Variants in SOX6 observed in about 807,000 individuals in gnomAD.
SOX6 encodes the protein transcription factor SOX-6.
In SOX6, 11 loss-of-function variants were observed where a neutral mutation model predicts 97.8. That is an observed-to-expected ratio of 0.11 (90% CI 0.07 to 0.19). The LOEUF is 0.19. Among genes scored for constraint, SOX6 ranks in the 10% least tolerant of loss-of-function variants. The pLI is 1.00. For synonymous variants in SOX6, 360 were observed against 371.4 expected, an observed-to-expected ratio of 0.97 and a Z score of 0.35; for missense variants, 810 against 1,039.5, an observed-to-expected ratio of 0.78 and a Z score of 3.04.
rs1197626172 is a variant in SOX6, at chr11:16,613,509, T to C, written n.430-1249A>G. ...CCGAAGCCCCAGCCCGCTGGGTCGC[T>C]CGGCCTGAGGGCTCAGGTGATGGAG... On this transcript the variant is annotated intron_variant and non_coding_transcript_variant, in intron 3 of 5. Coordinates refer to the SOX6 transcript ENST00000524520. This position sits in a 1 kb window ranked among gnomAD's most constrained non-coding sequence, Gnocchi z 4.6. Among the ~76,000 whole-genome samples, 2 of 152,022 alleles carry C rather than the reference T, an allele frequency of 1.3e-5. No individual in the cohort carries two copies. Among genetic ancestry groups the C allele is most frequent in the South Asian group, 2.1e-4 (1 of 4,818 alleles).
intron 4 of SOX6, among the ~76,000 whole-genome samples, chr11:16,597,259 T>G (rs1373539395): frequency 6.6e-6 from 1 of 151,894 alleles, no homozygotes; most frequent in African/African-American, 2.4e-5. Flanking sequence ...TATTGTCAAT[T>G]TATCCTAACA....
At chr11:16,277,874 T>A (rs990529057) in intron 3 of SOX6, among the ~76,000 whole-genome samples, 8 of 152,226 alleles carry the variant, frequency 5.3e-5, no homozygotes, top group Non-Finnish European at 7.3e-5. Context: ...CTGCCTATTA[T>A]TAACTTTGTG....
intron 4 of SOX6, among the ~76,000 whole-genome samples, chr11:16,599,800 T>C (rs1271300746): frequency 3.9e-5 from 6 of 152,146 alleles, no homozygotes; most frequent in Non-Finnish European, 8.8e-5. Context: ...CCTCAGAAAA[T>C]AACTCACATC....
chr11:16,292,459 G>C (rs1227667204), intron 3 of SOX6, among the ~76,000 whole-genome samples: 3 of 152,006 alleles, frequency 2.0e-5, no homozygotes, highest in Admixed American at 1.3e-4. Context: ...AGTGGGAAAA[G>C]ATTGAGTTCT....
intron 1 of SOX6, among the ~76,000 whole-genome samples, chr11:16,403,286 G>A (rs1318461914): frequency 6.6e-6 from 1 of 151,698 alleles, no homozygotes; most frequent in African/African-American, 2.4e-5. Flanking sequence ...CTGCTAAACA[G>A]AGAACTTAAT....
chr11:16,514,303 G>C (rs1398713128), intron 4 of SOX6, among the ~76,000 whole-genome samples: 1 of 151,820 alleles, frequency 6.6e-6, no homozygotes, highest in Non-Finnish European at 1.5e-5. Context: ...AGACAACGGA[G>C]GAGTTATCTG....
chr11:16,585,025 T>C (rs12804277), intron 4 of SOX6, among the ~76,000 whole-genome samples: 25,440 of 152,124 alleles, frequency 0.17, 2,219 homozygotes, highest in Non-Finnish European at 0.18. Flanking sequence ...TCTCCACAAA[T>C]TATGAAACTC....
intron 2 of SOX6, among the ~76,000 whole-genome samples, chr11:16,325,511 G>C (rs893968425): frequency 6.6e-6 from 1 of 152,050 alleles, no homozygotes; most frequent in Non-Finnish European, 1.5e-5. Context: ...CTGATGCTTA[G>C]GGGAAACAGA....
chr11:16,548,151 G>T (rs1374779189), intron 4 of SOX6, among the ~76,000 whole-genome samples: 1 of 152,100 alleles, frequency 6.6e-6, no homozygotes, highest in Non-Finnish European at 1.5e-5. Flanking sequence ...AATTAAAACT[G>T]CCAATTTAGA....
chr11:16,730,029 A>AATATATAT (rs34591978), intron 2 of SOX6, among the ~76,000 whole-genome samples: 2,216 of 142,532 alleles, frequency 0.016, 47 homozygotes, highest in African/African-American at 0.043. Flanking sequence ...AACTATCCTA[A>AATATATAT]ATATATATAT....
intron 2 of SOX6, among the ~76,000 whole-genome samples, chr11:16,335,472 G>A (rs1856429513): frequency 6.6e-6 from 1 of 152,150 alleles, no homozygotes; most frequent in African/African-American, 2.4e-5. Context: ...AGAACCAAGT[G>A]AACGAGTGGG....
At chr11:16,455,273 C>CA (rs1288503830) in intron 1 of SOX6, among the ~76,000 whole-genome samples, 1 of 151,936 alleles carries the variant, frequency 6.6e-6, no homozygotes, top group Non-Finnish European at 1.5e-5. Flanking sequence ...TTTATCACCA[C>CA]AAAAAATTTT....
chr11:16,684,820 A>C (rs1027780948), intron 3 of SOX6, among the ~76,000 whole-genome samples: 6 of 152,216 alleles, frequency 3.9e-5, no homozygotes, highest in African/African-American at 1.4e-4. Flanking sequence ...ATTTATAATG[A>C]AAAGAGGTTT....
intron 4 of SOX6, among the ~76,000 whole-genome samples, chr11:16,550,920 C>A (rs1290153459): frequency 6.6e-6 from 1 of 151,958 alleles, no homozygotes; most frequent in Non-Finnish European, 1.5e-5. Flanking sequence ...AAAAAAATAA[C>A]AAGATGGTAA....
intron 1 of SOX6, among the ~76,000 whole-genome samples, chr11:16,373,873 A>AAGGG (rs1857570154): frequency 1.3e-4 from 2 of 15,200 alleles, no homozygotes; most frequent in African/African-American, 3.1e-4. Flanking sequence ...GGAAGGAAGG[A>AAGGG]AGGAAGGAAG....
At chr11:16,710,131 TTC>T (rs1313137889) in intron 3 of SOX6, among the ~76,000 whole-genome samples, 1 of 152,202 alleles carries the variant, frequency 6.6e-6, no homozygotes, top group African/African-American at 2.4e-5. Flanking sequence ...TGAAAATATT[TTC>T]TGTTTTATAG....
intron 9 of SOX6, among the ~76,000 whole-genome samples, chr11:16,075,685 T>C (rs1297408859): frequency 6.6e-6 from 1 of 152,090 alleles, no homozygotes; most frequent in East Asian, 1.9e-4. Flanking sequence ...GGGATAGCGT[T>C]AGGAGAAATA....
At chr11:16,215,038 G>A (rs1299444546) in intron 4 of SOX6, among the ~76,000 whole-genome samples, 4 of 152,048 alleles carry the variant, frequency 2.6e-5, no homozygotes, top group South Asian at 2.1e-4. Context: ...GTGAGCCATC[G>A]CGCCCAGCCT....
chr11:16,010,125 TACACACACACACACACACACAC>T (rs67556517), intron 13 of SOX6, among the ~76,000 whole-genome samples: 1 of 135,498 alleles, frequency 7.4e-6, no homozygotes, highest in Admixed American at 7.4e-5. Context: ...CAGTTGGAGC[TACACACACACACACACACACAC>T]ACACACACAC....
Sources: allele counts gnomAD v4.1 joint callset (sites outside exome capture counted in the v4.1 genomes callset), GRCh38; gene constraint gnomAD v4.1.1; non-coding constraint Gnocchi (gnomAD v3.1); transcripts MANE v1.5; gene names NCBI Gene and HGNC (gene_info 2026-07-23, HGNC 2026-07-21).